Variants in SIL1 observed in about 807,000 individuals in gnomAD.
The protein encoded by SIL1 is nucleotide exchange factor SIL1.
SIL1 carries 40 observed loss-of-function variants against 49.1 expected under a neutral mutation model. The observed-to-expected ratio is 0.81, with a 90% CI of 0.63 to 1.06. The LOEUF is 1.06. Ranked by LOEUF, SIL1 falls within the 50% of genes least tolerant of loss-of-function variation. The probability of loss-of-function intolerance (pLI) is 0.00; values close to 1 mark genes in which losing one functional copy is unlikely to be tolerated. For synonymous variants in SIL1, 253 were observed against 250.8 expected (o/e 1.01, Z -0.08); for missense variants, 500 against 572.6 (o/e 0.87, Z 1.29).
intron 3 of SIL1, among the ~76,000 whole-genome samples, chr5:139,103,400 C>T (rs1290547382): frequency 2.0e-5 from 3 of 152,150 alleles, no homozygotes; most frequent in African/African-American, 7.2e-5. Context: ...ACTGAACCAG[C>T]GTGCCAGTCA....
chr5:139,044,990 C>T (rs759405985), intron 4 of SIL1, among the ~76,000 whole-genome samples: 8 of 152,148 alleles, frequency 5.3e-5, no homozygotes, highest in South Asian at 2.1e-4. Flanking sequence ...TGACCAAATC[C>T]GATGGACCCT....
chr5:139,158,772 A>G (rs1410809880), intron 1 of SIL1, among the ~76,000 whole-genome samples: 2 of 152,226 alleles, frequency 1.3e-5, no homozygotes, highest in East Asian at 3.8e-4. Flanking sequence ...TCAAGCTCCT[A>G]TTTATTATGT....
chr5:139,152,602 T>A (rs1433775094), intron 1 of SIL1, among the ~76,000 whole-genome samples: 1 of 140,162 alleles, frequency 7.1e-6, no homozygotes, highest in South Asian at 2.2e-4. Flanking sequence ...GCCTGGGTGA[T>A]AGAGTGAGAC....
intron 1 of SIL1, among the ~76,000 whole-genome samples, chr5:139,186,588 T>C (rs951003093): frequency 6.6e-6 from 1 of 152,090 alleles, no homozygotes; most frequent in African/African-American, 2.4e-5. Context: ...ACATAAGCAC[T>C]CCGGTTTGAC....
At chr5:138,972,139 C>T (rs1169139952) in intron 7 of SIL1, among the ~76,000 whole-genome samples, 1 of 152,154 alleles carries the variant, frequency 6.6e-6, no homozygotes, top group Admixed American at 6.5e-5. Flanking sequence ...CCAGATCCAG[C>T]AGGAGAATCA....
At chr5:138,988,931 T>G (rs1000006295) in intron 7 of SIL1, among the ~76,000 whole-genome samples, 1 of 152,172 alleles carries the variant, frequency 6.6e-6, no homozygotes, top group African/African-American at 2.4e-5. Context: ...TACAGAATGA[T>G]GAATCTACAG....
chr5:139,166,424 G>A (rs1015480377), intron 1 of SIL1, among the ~76,000 whole-genome samples: 5 of 152,176 alleles, frequency 3.3e-5, no homozygotes, highest in African/African-American at 1.2e-4. Flanking sequence ...AGCTTTAGAA[G>A]GTCAAGACAG....
intron 3 of SIL1, among the ~76,000 whole-genome samples, chr5:139,112,961 C>A (rs1457744140): frequency 3.3e-5 from 5 of 152,244 alleles, no homozygotes; most frequent in Non-Finnish European, 7.3e-5. Flanking sequence ...AAGAAAGATT[C>A]TTCTGCCTTG....
At chr5:139,012,432 A>T (rs140006114) in intron 7 of SIL1, 1 of 152,202 alleles carries the variant, frequency 6.6e-6, no homozygotes, top group Non-Finnish European at 1.5e-5. Flanking sequence ...AAGTGCTGGC[A>T]TTACAGGCAC....
At chr5:139,065,604 A>G (rs1769687177) in intron 3 of SIL1, among the ~76,000 whole-genome samples, 1 of 152,214 alleles carries the variant, frequency 6.6e-6, no homozygotes, top group Non-Finnish European at 1.5e-5. Flanking sequence ...AGGCCAATGC[A>G]CACAAGGTTG....
At chr5:139,110,480 TTAAA>T (rs1770817667) in intron 3 of SIL1, among the ~76,000 whole-genome samples, 1 of 152,194 alleles carries the variant, frequency 6.6e-6, no homozygotes, top group South Asian at 2.1e-4. Context: ...GTTCTGGGAA[TTAAA>T]TAAATTAAAC....
intron 1 of SIL1, among the ~76,000 whole-genome samples, chr5:139,135,693 G>C (rs760787224): frequency 6.9e-6 from 1 of 144,766 alleles, no homozygotes; most frequent in African/African-American, 2.6e-5. Flanking sequence ...TTCAAGAAGG[G>C]AGCTAAACAA....
intron 7 of SIL1, among the ~76,000 whole-genome samples, chr5:138,969,520 T>A (rs78514210): frequency 0.018 from 2,742 of 152,228 alleles, 83 homozygotes; most frequent in African/African-American, 0.063. Flanking sequence ...GCAATAATAC[T>A]CCACGCTCCA....
chr5:139,034,311 T>C (rs1444559175), intron 5 of SIL1: 1 of 152,080 alleles, frequency 6.6e-6, no homozygotes, highest in Non-Finnish European at 1.5e-5. Flanking sequence ...CATTTTACAA[T>C]TATTATACAT....
At chr5:138,973,165 C>T (rs1391628449) in intron 7 of SIL1, among the ~76,000 whole-genome samples, 6 of 143,848 alleles carry the variant, frequency 4.2e-5, no homozygotes, top group Admixed American at 2.2e-4. Context: ...AACAAACCTG[C>T]GCGTTGTGCA....
At chr5:139,125,494 G>A (rs989781798) in intron 2 of SIL1, among the ~76,000 whole-genome samples, 12 of 152,320 alleles carry the variant, frequency 7.9e-5, no homozygotes, top group Admixed American at 5.9e-4. Flanking sequence ...CCAGGGCAAC[G>A]TTTTGGGACA....
chr5:139,050,059 A>G (rs1444531493), intron 4 of SIL1, among the ~76,000 whole-genome samples: 1 of 152,220 alleles, frequency 6.6e-6, no homozygotes. Flanking sequence ...AACTTTATTT[A>G]TGGACATTTA....
intron 5 of SIL1, among the ~76,000 whole-genome samples, chr5:139,027,501 G>A (rs899717287): frequency 6.6e-5 from 10 of 152,186 alleles, no homozygotes; most frequent in African/African-American, 2.4e-4. Context: ...ATTTGCTGAT[G>A]AAAATTAAAT....
chr5:139,046,321 C>T (rs11960861), intron 4 of SIL1, among the ~76,000 whole-genome samples: 7,247 of 143,372 alleles, frequency 0.051, 232 homozygotes, highest in Non-Finnish European at 0.079. Flanking sequence ...AGCAAGACAC[C>T]GTCTTATGGG....
Sources: gnomAD v4.1 joint callset for allele counts (sites outside exome capture counted in the v4.1 genomes callset) on GRCh38, gnomAD v4.1.1 for gene constraint, MANE v1.5 for transcripts, NCBI Gene and HGNC (gene_info 2026-07-23, HGNC 2026-07-21) for gene names.